Variants in NOP16 observed in about 807,000 individuals in gnomAD.
The protein encoded by NOP16 is nucleolar protein 16.
In NOP16, 14 loss-of-function variants were observed where a neutral mutation model predicts 22.7. That is an observed-to-expected ratio of 0.62 (90% confidence interval 0.41 to 0.97). The LOEUF is 0.97. NOP16 is among the 50% of genes least tolerant of loss of function. The pLI is 0.00. For synonymous variants in NOP16, 80 were observed against 83.6 expected, an observed-to-expected ratio of 0.96 and a Z score of 0.23; for missense variants, 198 against 235.9, an observed-to-expected ratio of 0.84 and a Z score of 1.05.
chr5:176,385,215 G>A lies in NOP16; in HGVS notation c.393+6C>T, dbSNP rs192533769. 2.0e-4 allele frequency: 307 copies of A among 1,560,694 alleles called. 2 individuals are homozygous for A. The highest frequency in any genetic ancestry group is 7.7e-4 in the South Asian group (67 of 86,744). Reference sequence around the variant, plus strand: ...CCAGCCAGCCCACGGGGCCTGAGCCGCTCACCTTATAGTCCTCCCCGTGGT... The same window carrying A: ...CCAGCCAGCCCACGGGGCCTGAGCCACTCACCTTATAGTCCTCCCCGTGGT... On this transcript the variant is annotated splice_donor_region_variant and intron_variant, in intron 4 of 4. Transcript: ENST00000614830.
rs1755745009 is a variant in NOP16 at position 176,385,259 on chromosome 5, CATAGT to C, written c.350_354del (p.Asp117GlyfsTer13). 2.5e-6 allele frequency: 4 copies of C among 1,613,160 alleles called. No individual in the cohort carries two copies. Among genetic ancestry groups the C allele is most frequent in the Non-Finnish European group, 3.4e-6 (4 of 1,179,188 alleles). The stretch of plus-strand genomic sequence containing the variant: ...CCGTGGTTCTCTACCATGTAGCGTA[CATAGT>C]CAATGAGGTCCCGAGACAGAGTATT... On this transcript the variant is annotated frameshift_variant, in exon 4 of 5. Transcript: ENST00000614830. LOFTEE classifies it high-confidence loss of function.
At chr5:176,387,490 T>A (rs181889954) in intron 2 of NOP16, among the ~76,000 whole-genome samples, 1 of 152,368 alleles carries the variant, frequency 6.6e-6, no homozygotes, top group East Asian at 1.9e-4. Context: ...AGTTTCTTTT[T>A]ATTCTTTCAT....
intron 3 of NOP16, among the ~76,000 whole-genome samples, chr5:176,385,623 T>G (rs556398588): frequency 6.6e-6 from 1 of 152,300 alleles, no homozygotes; most frequent in East Asian, 1.9e-4. Context: ...ACTAATAACC[T>G]CTACTTAGTG....
chr5:176,386,734 T>C, intron 3 of NOP16, 106 bp downstream of exon 3: 1 of 971,546 alleles, frequency 1.0e-6, no homozygotes, highest in South Asian at 1.3e-5. Context: ...ACTTCTCCCC[T>C]CTGAAACTTG....
chr5:176,384,091 C>CGT lies in NOP16; in HGVS notation c.*138_*139dup, dbSNP rs56989856. The stretch of plus-strand genomic sequence containing the variant: ...CCTTCCCCAGAGCGGGGAGTGTGCA[C>CGT]GTGTGTGTGTAACCTTCTGATTCCA... On this transcript the variant is annotated 3_prime_UTR_variant, in exon 5 of 5. Coordinates refer to ENST00000614830, the MANE Select transcript of NOP16 (RefSeq NM_016391.8). 4.4e-6 allele frequency: 7 copies of CGT among 1,602,200 alleles called. No individual in the cohort carries two copies. Among genetic ancestry groups the CGT allele is most frequent in the Admixed American group, 1.7e-5 (1 of 59,334 alleles).
At chr5:176,384,676 A>G (rs527267283) in intron 4 of NOP16, 35 of 429,510 alleles carry the variant, frequency 8.1e-5, no homozygotes, top group African/African-American at 6.4e-4. Flanking sequence ...AGGCCGAGGC[A>G]GGAGGACTGT....
intron 2 of NOP16, 155 bp from the exon 3 acceptor site, chr5:176,387,064 T>TTC (rs55641001): frequency 2.4e-5 from 13 of 552,736 alleles, no homozygotes; most frequent in East Asian, 6.0e-5. Flanking sequence ...TGGAGGCTTT[T>TTC]TCTCTCTCTC....
In NOP16 at chr5:176,383,946, TA is replaced by T. The variant is rs1261328175; in HGVS notation, c.*284del. On this transcript the variant is annotated 3_prime_UTR_variant, in exon 5 of 5. Transcript: ENST00000614830. Reference sequence around the variant, plus strand: ...GAAAAATACAAAATCATCAGAGAAGTAAAATATATTTGCTTTATTATGTACA... The same window carrying T: ...GAAAAATACAAAATCATCAGAGAAGTAAATATATTTGCTTTATTATGTACA... 3 of 1,484,356 alleles carry T rather than the reference TA, an allele frequency of 2.0e-6. No homozygotes were observed. In the African/African-American group the frequency reaches 4.2e-5, roughly 21 times the overall value. 91.9% of individuals were successfully genotyped at this position (1,484,356 alleles called of 1,614,324 possible). A position where few individuals can be genotyped will look rare whatever the true frequency, so the allele number is the denominator to read the frequency against.
At position 176,386,659 on chromosome 5, in the gene NOP16, G is replaced by A; in HGVS notation, c.286+181C>T. On this transcript the variant is annotated intron_variant, in intron 3 of 4. Coordinates refer to ENST00000614830, the MANE Select transcript of NOP16 (RefSeq NM_016391.8). ...GTTCACACAGTAAGGTCAGGGTTTA[G>A]TCAGTACAATGAAAAATGAGCCAGC... 5.7e-6 allele frequency: 4 copies of A among 700,258 alleles called. No individual in the cohort carries two copies. The South Asian group carries it at 6.0e-5, about 10-fold the overall frequency. The allele number at this position is 700,258 out of a possible 1,614,324, so 43.4% of individuals were successfully genotyped here.
At chr5:176,386,679 G>C in intron 3 of NOP16, 161 bp downstream of exon 3, 1 of 727,148 alleles carries the variant, frequency 1.4e-6, no homozygotes, top group South Asian at 1.5e-5. Flanking sequence ...TGAAAAATGA[G>C]CCAGCCAGGA....
Position 176,384,951 on chromosome 5 carries a change from ACT to A in NOP16, c.393+268_393+269del, listed in dbSNP as rs1166520174. Reference sequence around the variant, plus strand: ...CTTCCATCCTGGGTGACTGAGCAAGACTCTGTCTTGAAAACAAAAACAAACCA... The same window carrying A: ...CTTCCATCCTGGGTGACTGAGCAAGACTGTCTTGAAAACAAAAACAAACCA... On this transcript the variant is annotated intron_variant, in intron 4 of 4. Coordinates refer to ENST00000614830, the MANE Select transcript of NOP16 (RefSeq NM_016391.8). 30 of 579,986 alleles carry A rather than the reference ACT, an allele frequency of 5.2e-5. No homozygotes were observed. The South Asian group carries it at 6.1e-4, about 12-fold the overall frequency. The allele number at this position is 579,986 out of a possible 1,614,324, so 35.9% of individuals were successfully genotyped here. A position where few individuals can be genotyped will look rare whatever the true frequency, so the allele number is the denominator to read the frequency against.
rs1407181379 is a variant in NOP16, at chr5:176,388,230, A to C, written c.216+5T>G. 2 of 1,601,306 alleles carry C rather than the reference A, an allele frequency of 1.2e-6. No homozygotes were observed. The highest frequency in any genetic ancestry group is 1.3e-5 in the African/African-American group (1 of 74,744). ...ACAAGGACCGAGACCCTGCCATGTC[A>C]GTACCTTTCTCTTACGGAGGGGCAC... is the stretch of plus-strand genomic sequence containing the variant. On this transcript the variant is annotated splice_donor_5th_base_variant and intron_variant, in intron 2 of 4. Coordinates refer to ENST00000614830, the MANE Select transcript of NOP16 (RefSeq NM_016391.8).
At chr5:176,387,723 G>A (rs1755995910) in intron 2 of NOP16, among the ~76,000 whole-genome samples, 1 of 152,308 alleles carries the variant, frequency 6.6e-6, no homozygotes, top group East Asian at 1.9e-4. Flanking sequence ...CCAACATAGC[G>A]AAACCCTGCC....
In NOP16 at chr5:176,386,914, A is replaced by G; in HGVS notation, c.217-5T>C. Reference sequence around the variant, plus strand: ...GTCCACCTCCATGGCCTTCACCTGCAGAGAACAGAGCCCTTGAGACCAGAA... The same window carrying G: ...GTCCACCTCCATGGCCTTCACCTGCGGAGAACAGAGCCCTTGAGACCAGAA... On this transcript the variant is annotated splice_region_variant and splice_polypyrimidine_tract_variant and intron_variant, in intron 2 of 4. Transcript: ENST00000614830. 6.2e-7 allele frequency: 1 copy of G among 1,613,746 alleles called. No homozygotes were observed. Among genetic ancestry groups the G allele is most frequent in the African/African-American group, 1.3e-5 (1 of 75,034 alleles).
rs201464061 is a variant in NOP16 at position 176,384,361 on chromosome 5, T to C, written c.407A>G (p.Asp136Gly). The C allele has an allele frequency of 1.0e-4, 164 of 1,613,224 alleles. No individual in the cohort carries two copies. Among genetic ancestry groups the C allele is most frequent in the Non-Finnish European group, 1.2e-4 (142 of 1,179,546 alleles). ...GGTATCTTGATAGTAATTCTTCTCA[T>C]CACGGGCCATGGCCTAAGAGGAGAA... is the stretch of plus-strand genomic sequence containing the variant. ...HGEDYKAMAR[D>G]EKNYYQDTPK... Residue 136 changes from aspartate (D) to glycine (G), a missense_variant, in exon 5 of 5, where the codon GAT (aspartate) becomes GGT (glycine). Physicochemically the swap from Asp to Gly is moderately conservative, Grantham distance 94 (BLOSUM62 -1). Transcript: ENST00000614830.
At chr5:176,385,960 C>T (rs1291421745) in intron 3 of NOP16, 1 of 152,532 alleles carries the variant, frequency 6.6e-6, no homozygotes, top group African/African-American at 2.4e-5. Flanking sequence ...GAATCATATC[C>T]AGAGGTTAGG....
rs1756054983 is a variant in NOP16, at chr5:176,388,280, C to G, written c.171G>C (p.Gly57=). The G allele has an allele frequency of 6.2e-7, 1 of 1,614,194 alleles. No individual in the cohort carries two copies. Among genetic ancestry groups the G allele is most frequent in the Non-Finnish European group, 8.5e-7 (1 of 1,180,012 alleles). The change falls in exon 2 of 5, where the codon GGG becomes GGC. Residue 57 remains glycine (G), a synonymous_variant. Transcript: ENST00000614830. ...KSVRQNLAEM[G]LAVDPNRAVP... ...CCGCCCTGTTGGGGTCCACAGCCAA[C>G]CCCATCTCGGCCAGGTTCTGCCGTA... is the stretch of plus-strand genomic sequence containing the variant.
chr5:176,384,240 C>G lies in NOP16; in HGVS notation c.528G>C (p.Glu176Asp), dbSNP rs748073250. 1 of 1,614,236 alleles carries G rather than the reference C, an allele frequency of 6.2e-7. No individual in the cohort carries two copies. The highest frequency in any genetic ancestry group is 1.3e-5 in the African/African-American group (1 of 75,066). Residue 176 changes from glutamate to aspartate, a missense_variant, in exon 5 of 5, where the codon GAG (glutamate) becomes GAC (aspartate). By Grantham distance (45) the Glu-to-Asp change is conservative (BLOSUM62 2). Coordinates refer to ENST00000614830, the MANE Select transcript of NOP16 (RefSeq NM_016391.8). ...CTGTGATGTAAACCAGTCACTCCAC[C>G]TCCATCTTCCTCTTCTGCAAAGAAT... ...FLDSLQKRKM[E>D]VE is the part of the protein sequence containing the mutation.
chr5:176,383,971 C>T lies in NOP16; in HGVS notation c.*260G>A, dbSNP rs1004469296. The T allele has an allele frequency of 3.9e-6, 6 of 1,525,902 alleles. No homozygotes were observed. The highest frequency in any genetic ancestry group is 1.7e-4 in the Middle Eastern group (1 of 5,918). The allele number at this position is 1,525,902 out of a possible 1,614,324, so 94.5% of individuals were successfully genotyped here. On this transcript the variant is annotated 3_prime_UTR_variant, in exon 5 of 5. Transcript: ENST00000614830. ...TAAAATATATTTGCTTTATTATGTACACACTATATTTACATCACCCACCCT... is the reference window on the plus strand; with the variant it reads ...TAAAATATATTTGCTTTATTATGTATACACTATATTTACATCACCCACCCT...
Sources: gnomAD v4.1 joint callset for allele counts (sites outside exome capture counted in the v4.1 genomes callset) on GRCh38, gnomAD v4.1.1 for gene constraint, MANE v1.5 for transcripts, NCBI Gene and HGNC (gene_info 2026-07-23, HGNC 2026-07-21) for gene names.